The following ZFTA variants were observed in gnomAD, a reference collection of about 807,000 sequenced individuals.
ZFTA encodes the protein zinc finger translocation-associated protein.
In ZFTA, 35 loss-of-function variants were observed where a neutral mutation model predicts 41.8. That is an observed-to-expected ratio of 0.84 (90% CI 0.64 to 1.11). ZFTA has a LOEUF of 1.11. ZFTA is among the 50% of genes most tolerant of loss of function. The probability of loss-of-function intolerance (pLI) is 0.00; values close to 1 mark genes in which losing one functional copy is unlikely to be tolerated. For missense variants in ZFTA, 964 were observed against 989.8 expected (o/e 0.97, Z 0.35); for synonymous variants, 514 against 436.4 (o/e 1.18, Z -2.22).
rs2014679462 is a variant in ZFTA at position 63,763,278 on chromosome 11, G to C, written c.*140C>G. ...CCCACCCGATCCCCCGTCTCCGCCC[G>C]GCCCGGCCAGCGGGGGGCGCGGCCG... is the stretch of plus-strand genomic sequence containing the variant. On this transcript the variant is annotated 3_prime_UTR_variant, in exon 5 of 5. Coordinates refer to ENST00000433688, the MANE Select transcript of ZFTA (RefSeq NM_001144936.2). The C allele has an allele frequency of 1.9e-6, 1 of 529,610 alleles. No homozygotes were observed. Among genetic ancestry groups the C allele is most frequent in the South Asian group, 8.7e-5 (1 of 11,438 alleles). The allele number at this position is 529,610 out of a possible 1,614,324, so 32.8% of individuals were successfully genotyped here. A position where few individuals can be genotyped will look rare whatever the true frequency, so the allele number is the denominator to read the frequency against.
In ZFTA at chr11:63,764,349, TC is replaced by T; in HGVS notation, c.1273del (p.Glu425SerfsTer27). 1 of 1,339,194 alleles carries T rather than the reference TC, an allele frequency of 7.5e-7. No homozygotes were observed. The highest frequency in any genetic ancestry group is 9.5e-7 in the Non-Finnish European group (1 of 1,049,886). 83.0% of individuals were successfully genotyped at this position (1,339,194 alleles called of 1,614,324 possible). On this transcript the variant is annotated frameshift_variant, in exon 4 of 5. Transcript: ENST00000433688. LOFTEE classifies it high-confidence loss of function. Reference protein sequence around the residue: ...RRHPQERWRLEYLMELDGGRR... With the variant: ...RRHPQERWRLXYLMELDGGRR... ...GCCGCCGTCCAACTCCATGAGGTAC[TC>T]CAGCCGCCAGCGCTCCTGGGGGTGG...
rs766636368 is a variant in ZFTA, at chr11:63,765,186, G to C, written c.706C>G (p.Arg236Gly). ...CTCCGGGAGGCTGAGAGGCGCAGAC[G>C]CCGAGCCCGGGGTGCCACTGGGCCC... ...RGGPVAPRAR[R>G]LRLSASRRAG... Residue 236 changes from arginine to glycine, a missense_variant, in exon 3 of 5, where the codon CGT (arginine) becomes GGT (glycine). By Grantham distance (125) the Arg-to-Gly change is moderately radical (BLOSUM62 -2). Transcript: ENST00000433688. This position sits in a 1 kb window ranked among gnomAD's most constrained non-coding sequence, Gnocchi z 4.0. 8.3e-5 allele frequency: 126 copies of C among 1,521,792 alleles called. 1 individual carries two copies. In the Middle Eastern group the frequency reaches 9.4e-4, roughly 11 times the overall value. 94.3% of individuals were successfully genotyped at this position (1,521,792 alleles called of 1,614,324 possible). A position where few individuals can be genotyped will look rare whatever the true frequency, so the allele number is the denominator to read the frequency against.
rs372137573 is a variant in ZFTA at position 63,760,974 on chromosome 11, C to G, written c.*2444G>C. On this transcript the variant is annotated 3_prime_UTR_variant, in exon 5 of 5. Coordinates refer to ENST00000433688, the MANE Select transcript of ZFTA (RefSeq NM_001144936.2). ...TCTCTGCCTACGGAGGGGGGGGAATCTAACCCCTCTGCCCTGGCTTATCCG... is the reference window on the plus strand; with the variant it reads ...TCTCTGCCTACGGAGGGGGGGGAATGTAACCCCTCTGCCCTGGCTTATCCG... The G allele has an allele frequency of 6.6e-6, 1 of 152,200 alleles. No homozygotes were observed. The highest frequency in any genetic ancestry group is 1.5e-5 in the Non-Finnish European group (1 of 68,062). The allele number at this position is 152,200 out of a possible 1,614,324, so 9.4% of individuals were successfully genotyped here. A position where few individuals can be genotyped will look rare whatever the true frequency, so the allele number is the denominator to read the frequency against.
rs1026527198 is a variant in ZFTA at position 63,763,168 on chromosome 11, G to A, written c.*250C>T. 1.5e-5 allele frequency: 3 copies of A among 196,710 alleles called. No homozygotes were observed. The highest frequency in any genetic ancestry group is 2.4e-5 in the African/African-American group (1 of 42,086). The allele number at this position is 196,710 out of a possible 1,614,324, so 12.2% of individuals were successfully genotyped here. On this transcript the variant is annotated 3_prime_UTR_variant, in exon 5 of 5. Coordinates refer to ENST00000433688, the MANE Select transcript of ZFTA (RefSeq NM_001144936.2). ...CGTGGGCCCTGCGCGGGGAGGGCAG[G>A]GCTCCGGGCCGATGGGAGAGTGCGC... is the stretch of plus-strand genomic sequence containing the variant.
Position 63,762,098 on chromosome 11 carries a change from C to T in ZFTA, c.*1320G>A, listed in dbSNP as rs924397752. ...GCTTTGTGAAGAGCAGACAGTAGGG[C>T]CCGGAGTCTCCCAGCGGGATTAACA... On this transcript the variant is annotated 3_prime_UTR_variant, in exon 5 of 5. Coordinates refer to ENST00000433688, the MANE Select transcript of ZFTA (RefSeq NM_001144936.2). 1 of 152,346 alleles carries T rather than the reference C, an allele frequency of 6.6e-6. No homozygotes were observed. The highest frequency in any genetic ancestry group is 1.5e-5 in the Non-Finnish European group (1 of 68,136). 9.4% of individuals were successfully genotyped at this position (152,346 alleles called of 1,614,324 possible).
Position 63,768,633 on chromosome 11 carries a change from G to A in ZFTA, c.-11C>T. ...CCCGCCGGGCTCCATGCGCTGCGCT[G>A]CGGAGCGGGGCCCCGGGGCGGCGGG... is the stretch of plus-strand genomic sequence containing the variant. On this transcript the variant is annotated 5_prime_UTR_variant, in exon 1 of 5. Coordinates refer to ENST00000433688, the MANE Select transcript of ZFTA (RefSeq NM_001144936.2). The A allele has an allele frequency of 1.0e-6, 1 of 984,424 alleles. No individual in the cohort carries two copies. Among genetic ancestry groups the A allele is most frequent in the Non-Finnish European group, 1.2e-6 (1 of 831,516 alleles). The allele number at this position is 984,424 out of a possible 1,614,324, so 61.0% of individuals were successfully genotyped here.
At position 63,762,141 on chromosome 11, in the gene ZFTA, GGT is replaced by G. The variant is rs1166036604; in HGVS notation, c.*1275_*1276del. ...GATTAACATCAGCACAGCTAGTTGG[GGT>G]CCTCCCGTCCCCGCCTCTGCCCTCG... On this transcript the variant is annotated 3_prime_UTR_variant, in exon 5 of 5. Transcript: ENST00000433688. 6.6e-6 allele frequency: 1 copy of G among 152,350 alleles called. No individual in the cohort carries two copies. Among genetic ancestry groups the G allele is most frequent in the Non-Finnish European group, 1.5e-5 (1 of 68,180 alleles). The allele number at this position is 152,350 out of a possible 1,614,324, so 9.4% of individuals were successfully genotyped here. A position where few individuals can be genotyped will look rare whatever the true frequency, so the allele number is the denominator to read the frequency against.
At position 63,763,672 on chromosome 11, in the gene ZFTA, C is replaced by T; in HGVS notation, c.1783G>A (p.Gly595Ser). The T allele has an allele frequency of 6.5e-7, 1 of 1,541,770 alleles. No homozygotes were observed. The highest frequency in any genetic ancestry group is 8.7e-7 in the Non-Finnish European group (1 of 1,142,896). ...WRGEYLMDYD[G>S]SRRGLVCMVC... Reference sequence around the variant, plus strand: ...ATACACACCAGGCCGCGCCGGCTGCCGTCGTAGTCCATCAGGTACTCGCCC... The same window carrying T: ...ATACACACCAGGCCGCGCCGGCTGCTGTCGTAGTCCATCAGGTACTCGCCC... Residue 595 changes from glycine to serine, a missense_variant, in exon 5 of 5, where the codon GGC becomes AGC. By Grantham distance (56) the Gly-to-Ser change is moderately conservative. Transcript: ENST00000433688.
chr11:63,763,998 C>T (rs1387350538), intron 4 of ZFTA, 40 bp downstream of exon 4: 1 of 1,302,770 alleles, frequency 7.7e-7, no homozygotes, highest in Non-Finnish European at 9.9e-7. Context: ...CAGCAACTGC[C>T]CGGCTCTCCC....
intron 4 of ZFTA, 42 bp from the exon 5 acceptor site, chr11:63,763,911 AGCGGGCTGGGCCCC>A (rs1338936528): frequency 2.9e-6 from 4 of 1,402,862 alleles, no homozygotes; most frequent in Middle Eastern, 2.4e-4. Context: ...GGCGGGGGGC[AGCGGGCTGGGCCCC>A]GCGTCTCATC....
In ZFTA at chr11:63,764,048, C is replaced by T. The variant is rs1052105260; in HGVS notation, c.1575G>A (p.Glu525=). Residue 525 remains glutamate, a synonymous_variant, in exon 4 of 5, where the codon GAG becomes GAA. Coordinates refer to ENST00000433688, the MANE Select transcript of ZFTA (RefSeq NM_001144936.2). ...GDEEEEPEEE[E]EEWGDVPLSP... ...GGCCCCACCGCTCACCCCACTCCTC[C>T]TCCTCCTCCTCTGGCTCCTCCTCCT... 29 of 1,336,274 alleles carry T rather than the reference C, an allele frequency of 2.2e-5. No homozygotes were observed. Among genetic ancestry groups the T allele is most frequent in the Non-Finnish European group, 2.8e-5 (29 of 1,045,054 alleles). 82.8% of individuals were successfully genotyped at this position (1,336,274 alleles called of 1,614,324 possible). A position where few individuals can be genotyped will look rare whatever the true frequency, so the allele number is the denominator to read the frequency against.
In ZFTA at chr11:63,768,554, G is replaced by T; in HGVS notation, c.69C>A (p.Ala23=). Reference sequence around the variant, plus strand: ...GCGGCAGCCGTCGGCCCCGTGCCGAGGCCACTGCTGGCCCGGGGCCGCCCC... The same window carrying T: ...GCGGCAGCCGTCGGCCCCGTGCCGATGCCACTGCTGGCCCGGGGCCGCCCC... The part of the protein sequence containing the change: ...GGRGGPGPAV[A]SARGRRLPPA... The change falls in exon 1 of 5, where the codon GCC becomes GCA. Residue 23 remains alanine (A), a synonymous_variant. Transcript: ENST00000433688. 9.1e-7 allele frequency: 1 copy of T among 1,102,030 alleles called. No individual in the cohort carries two copies. Among genetic ancestry groups the T allele is most frequent in the Non-Finnish European group, 1.1e-6 (1 of 907,204 alleles). 68.3% of individuals were successfully genotyped at this position (1,102,030 alleles called of 1,614,324 possible).
rs775546125 is a variant in ZFTA, at chr11:63,764,324, G to A, written c.1299C>T (p.Gly433=). 7 of 1,378,050 alleles carry A rather than the reference G, an allele frequency of 5.1e-6. No homozygotes were observed. Among genetic ancestry groups the A allele is most frequent in the South Asian group, 4.7e-5 (3 of 64,244 alleles). The allele number at this position is 1,378,050 out of a possible 1,614,324, so 85.4% of individuals were successfully genotyped here. The part of the protein sequence containing the change: ...RLEYLMELDG[G]RRGLVCGVCG... ...ACACCCCGCACACCAGGCCGCGCCG[G>A]CCGCCGTCCAACTCCATGAGGTACT... is the stretch of plus-strand genomic sequence containing the variant. Residue 433 remains glycine, a synonymous_variant, in exon 4 of 5, where the codon GGC becomes GGT. Coordinates refer to ENST00000433688, the MANE Select transcript of ZFTA (RefSeq NM_001144936.2).
At chr11:63,768,451 GC>G (rs1412157070) in intron 1 of ZFTA, 32 bp downstream of exon 1, 25 of 1,097,312 alleles carry the variant, frequency 2.3e-5, no homozygotes, top group East Asian at 1.3e-4. Context: ...CCACGCCGGG[GC>G]CCCCGCCCGG....
chr11:63,766,529 A>T (rs1299561545), intron 1 of ZFTA, among the ~76,000 whole-genome samples: 7 of 152,218 alleles, frequency 4.6e-5, no homozygotes, highest in Non-Finnish European at 1.0e-4. Context: ...AAAAGGACGC[A>T]GGGCACTGTG....
chr11:63,764,127 TG>T lies in ZFTA; in HGVS notation c.1495del (p.Gln499ArgfsTer92), dbSNP rs1565058398. 3 of 1,329,238 alleles carry T rather than the reference TG, an allele frequency of 2.3e-6. No homozygotes were observed. Among genetic ancestry groups the T allele is most frequent in the Non-Finnish European group, 2.9e-6 (3 of 1,044,862 alleles). 82.3% of individuals were successfully genotyped at this position (1,329,238 alleles called of 1,614,324 possible). On this transcript the variant is annotated frameshift_variant, in exon 4 of 5. Coordinates refer to ENST00000433688, the MANE Select transcript of ZFTA (RefSeq NM_001144936.2). LOFTEE classifies it high-confidence loss of function. ...GGCAGTGCCGGGGGGGATGGGGCCC[TG>T]GGGGGACTCGGGGCGGGGCGGCCCC... ...ALGPPRPESP[Q>X]GPIPPGTAAA...
Position 63,764,860 on chromosome 11 carries a change from C to T in ZFTA, c.1024+8G>A. 1 of 1,473,946 alleles carries T rather than the reference C, an allele frequency of 6.8e-7. No individual in the cohort carries two copies. The allele number at this position is 1,473,946 out of a possible 1,614,324, so 91.3% of individuals were successfully genotyped here. The stretch of plus-strand genomic sequence containing the variant: ...TGAGGGGGTCTCAGCCTGGGATGGG[C>T]CTCGCACCTGGTGGGGACTGGGTGA... On this transcript the variant is annotated splice_region_variant and intron_variant, in intron 3 of 4. Transcript: ENST00000433688.
At chr11:63,766,429 G>C in intron 1 of ZFTA, 125 bp from the exon 2 acceptor site, 1 of 1,285,302 alleles carries the variant, frequency 7.8e-7, no homozygotes, top group African/African-American at 1.5e-5. Flanking sequence ...GGAAAGGGAC[G>C]GCAACAGCAA....
At chr11:63,767,479 G>T (rs563682294) in intron 1 of ZFTA, 1 of 152,482 alleles carries the variant, frequency 6.6e-6, no homozygotes, top group African/African-American at 2.4e-5. Context: ...CTCTGGGCCT[G>T]AGCTTCTTTG....
Sources: allele counts gnomAD v4.1 joint callset (sites outside exome capture counted in the v4.1 genomes callset), GRCh38; gene constraint gnomAD v4.1.1; non-coding constraint Gnocchi (gnomAD v3.1); transcripts MANE v1.5; gene names NCBI Gene and HGNC (gene_info 2026-07-23, HGNC 2026-07-21).